CELF2: variants seen among roughly 807,000 people sequenced by gnomAD.
CELF2 encodes CUG triplet repeat RNA-binding protein 2.
Under a neutral mutation model 62.6 loss-of-function variants are expected in CELF2, and 8 were observed. The ratio of observed to expected loss-of-function variants is 0.13; its 90% CI spans 0.07 to 0.23. The LOEUF is 0.23. Among genes scored for constraint, CELF2 ranks in the 10% least tolerant of loss-of-function variants. The pLI is 1.00. For missense variants in CELF2, 333 were observed against 671.0 expected, an observed-to-expected ratio of 0.50 and a Z score of 5.56; for synonymous variants, 258 against 250.0, an observed-to-expected ratio of 1.03 and a Z score of -0.30.
At position 11,012,447 on chromosome 10, in the gene CELF2, G is replaced by A. The variant is rs185126655; in HGVS notation, c.53+7007G>A. Among the ~76,000 whole-genome samples the A allele has an allele frequency of 1.1e-3, 170 of 152,308 alleles. No homozygotes were observed. The highest frequency in any genetic ancestry group is 4.0e-3 in the African/African-American group (166 of 41,554). On this transcript the variant is annotated intron_variant, in intron 1 of 12. Coordinates refer to the CELF2 transcript ENST00000416382. This position sits in a 1 kb window ranked among gnomAD's most constrained non-coding sequence, Gnocchi z 5.5. Reference sequence around the variant, plus strand: ...GCACATGGGCTGTCATGCCCAGAGAGATTCCCTCTGAAGTAGAGAATTTGA... The same window carrying A: ...GCACATGGGCTGTCATGCCCAGAGAAATTCCCTCTGAAGTAGAGAATTTGA...
chr10:11,158,961 T>C (rs2065103335), intron 1 of CELF2, among the ~76,000 whole-genome samples: 1 of 152,244 alleles, frequency 6.6e-6, no homozygotes, highest in Non-Finnish European at 1.5e-5. Context: ...TACGTGTGTA[T>C]GTACATATAG....
chr10:10,935,713 T>C (rs1005008555), intron 2 of CELF2, among the ~76,000 whole-genome samples: 1 of 152,198 alleles, frequency 6.6e-6, no homozygotes, highest in Admixed American at 6.5e-5. Flanking sequence ...AAAAGCAAGA[T>C]GGTATCACAT....
At chr10:11,251,471 C>T (rs913626071) in intron 4 of CELF2, among the ~76,000 whole-genome samples, 3 of 151,818 alleles carry the variant, frequency 2.0e-5, no homozygotes, top group East Asian at 1.9e-4. Flanking sequence ...GTCATGGGCA[C>T]ACCCAATGTT....
At chr10:11,049,836 C>G (rs1479377188) in intron 1 of CELF2, among the ~76,000 whole-genome samples, 1 of 152,126 alleles carries the variant, frequency 6.6e-6, no homozygotes, top group Non-Finnish European at 1.5e-5. Flanking sequence ...ACCTTCACAG[C>G]TGGGAGGAGG....
chr10:10,819,420 T>C lies in CELF2; in HGVS notation c.53+20603T>C, dbSNP rs547236296. On this transcript the variant is annotated intron_variant, in intron 1 of 13. Transcript: ENST00000636488. ...GAAACCACGAATTTTAGCATGAGTT[T>C]AGCGTGAAACTGTTTTTGCCAGGGT... Among the ~76,000 whole-genome samples the C allele has an allele frequency of 2.0e-3, 310 of 152,276 alleles. 1 individual carries two copies. Among genetic ancestry groups the C allele is most frequent in the Admixed American group, 3.2e-3 (49 of 15,306 alleles).
At chr10:10,767,995 C>CAAGAAAAA in the CELF2 span, among the ~76,000 whole-genome samples, 1 of 23,058 alleles carries the variant, frequency 4.3e-5, no homozygotes, top group African/African-American at 2.1e-4. Context: ...GACTCCGTCT[C>CAAGAAAAA]AAAAAAAAAA....
chr10:11,130,655 C>T (rs1385537377), intron 1 of CELF2, among the ~76,000 whole-genome samples: 5 of 152,100 alleles, frequency 3.3e-5, no homozygotes, highest in Non-Finnish European at 7.3e-5. Context: ...TGATTTATTA[C>T]CGACAGTTAG....
chr10:10,692,176 G>A, the CELF2 span, among the ~76,000 whole-genome samples: 3 of 146,422 alleles, frequency 2.0e-5, no homozygotes, highest in Admixed American at 6.8e-5. Flanking sequence ...ATCTTGAATT[G>A]ATTTTTGTAT....
chr10:11,131,832 G>A (rs1213620192), intron 1 of CELF2, among the ~76,000 whole-genome samples: 1 of 152,196 alleles, frequency 6.6e-6, no homozygotes, highest in Non-Finnish European at 1.5e-5. Context: ...TGACCCAGGG[G>A]TCTAGTATTG....
the CELF2 span, among the ~76,000 whole-genome samples, chr10:10,515,828 A>G: frequency 6.6e-6 from 1 of 152,246 alleles, no homozygotes; most frequent in Non-Finnish European, 1.5e-5. Flanking sequence ...TATGGATCCT[A>G]AGATGCACAT....
At chr10:11,283,897 T>TGGGTGAGTGTGTGGTGGGTGGATGAG (rs1565756878) in intron 8 of CELF2, among the ~76,000 whole-genome samples, 11 of 134,058 alleles carry the variant, frequency 8.2e-5, no homozygotes, top group Admixed American at 1.5e-4. Context: ...GGGTGGATGA[T>TGGGTGAGTGTGTGGTGGGTGGATGAG]GGATGACTGT....
chr10:10,811,751 G>C (rs1329883843), intron 1 of CELF2, among the ~76,000 whole-genome samples: 1 of 152,180 alleles, frequency 6.6e-6, no homozygotes, highest in Non-Finnish European at 1.5e-5. Flanking sequence ...ATCACCCTGG[G>C]GATGTGGCCT....
rs1164911060 is a variant in CELF2, at chr10:11,244,530, C to T, written c.355-4623C>T. Among the ~76,000 whole-genome samples the T allele has an allele frequency of 1.3e-5, 2 of 152,022 alleles. No homozygotes were observed. Among genetic ancestry groups the T allele is most frequent in the Non-Finnish European group, 2.9e-5 (2 of 68,008 alleles). ...ATTAGTTGGGCGTGGTGGCGGGCGCCTGTAGTCCCAGCTACTCAGGAGGCT... is the reference window on the plus strand; with the variant it reads ...ATTAGTTGGGCGTGGTGGCGGGCGCTTGTAGTCCCAGCTACTCAGGAGGCT... On this transcript the variant is annotated intron_variant, in intron 3 of 12. Coordinates refer to ENST00000633077, the MANE Select transcript of CELF2 (RefSeq NM_001326342.2). This position sits in a 1 kb window ranked among gnomAD's most constrained non-coding sequence, Gnocchi z 4.2.
intron 2 of CELF2, among the ~76,000 whole-genome samples, chr10:11,174,654 A>G (rs952002500): frequency 1.1e-4 from 16 of 152,264 alleles, no homozygotes; most frequent in African/African-American, 3.6e-4. Flanking sequence ...CCATCTGATC[A>G]TTATAAAATA....
rs184694551 is a variant in CELF2, at chr10:11,335,693, G to A, written c.*6640G>A. The A allele has an allele frequency of 4.6e-5, 7 of 152,238 alleles. No homozygotes were observed. The East Asian group carries it at 1.4e-3, about 29-fold the overall frequency. 9.4% of individuals were successfully genotyped at this position (152,238 alleles called of 1,614,324 possible). On this transcript the variant is annotated 3_prime_UTR_variant, in exon 13 of 13. Transcript: ENST00000633077. The surrounding 1 kb of genome is among the most constrained non-coding windows in gnomAD (Gnocchi z 5.0). ...TTAGTGGGAAAGGATGGCTAAGGGT[G>A]TGATTTCTTTTTATTAGGGAGGTGG...
At chr10:11,196,342 C>G (rs1020003725) in intron 2 of CELF2, among the ~76,000 whole-genome samples, 3 of 152,200 alleles carry the variant, frequency 2.0e-5, no homozygotes, top group Non-Finnish European at 4.4e-5. Context: ...TAATAACTTA[C>G]ATTGGCATAG....
At chr10:10,895,003 A>G (rs908291141) in intron 1 of CELF2, among the ~76,000 whole-genome samples, 1 of 152,198 alleles carries the variant, frequency 6.6e-6, no homozygotes, top group Non-Finnish European at 1.5e-5. Context: ...TGTGCTAGCT[A>G]CTATATGCCT....
intron 2 of CELF2, chr10:10,927,355 A>AAAAAAAAAAAAAAAAAAAAC (rs2065612360): frequency 6.6e-6 from 1 of 150,408 alleles, no homozygotes; most frequent in Non-Finnish European, 1.5e-5. Flanking sequence ...TTAAAAAAAA[A>AAAAAAAAAAAAAAAAAAAAC]AAAAAAAAAA....
At position 11,070,592 on chromosome 10, in the gene CELF2, A is replaced by G. The variant is rs187627184; in HGVS notation, c.74+52429A>G. 7.9e-5 allele frequency among the ~76,000 whole-genome samples: 12 copies of G among 152,218 alleles called. No homozygotes were observed. In the East Asian group the frequency reaches 2.3e-3, roughly 29 times the overall value. On this transcript the variant is annotated intron_variant, in intron 1 of 12. Coordinates refer to ENST00000633077, the MANE Select transcript of CELF2 (RefSeq NM_001326342.2). ...GCATGTAGTTCAGGTGAACATCTTG[A>G]GTCGTGAAAATCTTGAGCAAAGATG...
Sources: allele counts gnomAD v4.1 joint callset (sites outside exome capture counted in the v4.1 genomes callset), GRCh38; gene constraint gnomAD v4.1.1; non-coding constraint Gnocchi (gnomAD v3.1); transcripts MANE v1.5; gene names NCBI Gene and HGNC (gene_info 2026-07-23, HGNC 2026-07-21).